ENPP6: variants seen among roughly 807,000 people sequenced by gnomAD.
ENPP6 encodes glycerophosphocholine cholinephosphodiesterase ENPP6.
ENPP6 carries 32 observed loss-of-function variants against 42.0 expected under a neutral mutation model. The ratio of observed to expected loss-of-function variants is 0.76; its 90% CI spans 0.58 to 1.02. The LOEUF is 1.02. ENPP6 is among the 50% of genes least tolerant of loss of function. The pLI, the probability that ENPP6 is intolerant of heterozygous loss-of-function variation, is 0.00. For synonymous variants in ENPP6, 213 were observed against 216.0 expected, an observed-to-expected ratio of 0.99 and a Z score of 0.12; for missense variants, 552 against 566.8, an observed-to-expected ratio of 0.97 and a Z score of 0.27.
chr4:184,158,198 T>C (rs80337402), intron 1 of ENPP6, among the ~76,000 whole-genome samples: 1,842 of 152,320 alleles, frequency 0.012, 19 homozygotes, highest in Non-Finnish European at 0.018. Context: ...TGGAGCCAGA[T>C]TGCATAGGTT....
intron 6 of ENPP6, among the ~76,000 whole-genome samples, chr4:184,104,831 AAAC>A (rs1386230113): frequency 1.3e-5 from 2 of 152,202 alleles, no homozygotes; most frequent in African/African-American, 4.8e-5. Flanking sequence ...CTATGATGGG[AAAC>A]AAAGGTCAAG....
chr4:184,107,871 C>G (rs1454645984), intron 6 of ENPP6, among the ~76,000 whole-genome samples: 1 of 151,244 alleles, frequency 6.6e-6, no homozygotes, highest in African/African-American at 2.4e-5. Context: ...GCCGAGATCC[C>G]GCCATTACCC....
At position 184,153,704 on chromosome 4, in the gene ENPP6, C is replaced by T. The variant is rs749748851; in HGVS notation, c.271G>A (p.Gly91Arg). 1.5e-5 allele frequency: 25 copies of T among 1,613,962 alleles called. No homozygotes were observed. Among genetic ancestry groups the T allele is most frequent in the Non-Finnish European group, 2.0e-5 (24 of 1,180,008 alleles). ...GTGGTGGGGTCCCACATGTAGTTCC[C>T]GATCATCTGATGGACTTCACAATGG... ...GRHCEVHQMI[G>R]NYMWDPTTNK... is the part of the protein sequence containing the mutation. Residue 91 changes from glycine to arginine, a missense_variant, in exon 2 of 8, where the codon GGG becomes AGG. Gly to Arg is a moderately radical substitution (Grantham distance 125, BLOSUM62 -2). Transcript: ENST00000296741.
At chr4:184,122,532 C>T (rs529619920) in intron 3 of ENPP6, among the ~76,000 whole-genome samples, 1 of 151,866 alleles carries the variant, frequency 6.6e-6, no homozygotes, top group Admixed American at 6.6e-5. Flanking sequence ...TTCCCCGCTG[C>T]ATGCTGGTGT....
At chr4:184,204,827 G>GT in intron 1 of ENPP6, among the ~76,000 whole-genome samples, 1 of 152,288 alleles carries the variant, frequency 6.6e-6, no homozygotes, top group South Asian at 2.1e-4. Flanking sequence ...CATGATTGTA[G>GT]TTTTTTCTCC....
At chr4:184,135,376 T>C (rs970202059) in intron 2 of ENPP6, among the ~76,000 whole-genome samples, 2 of 152,190 alleles carry the variant, frequency 1.3e-5, no homozygotes, top group African/African-American at 2.4e-5. Flanking sequence ...AGTGTGTAAT[T>C]AGGAACATTA....
chr4:184,158,872 C>T (rs1737216788), intron 1 of ENPP6, among the ~76,000 whole-genome samples: 1 of 152,136 alleles, frequency 6.6e-6, no homozygotes, highest in Non-Finnish European at 1.5e-5. Context: ...CACTAAGGTC[C>T]TTGGGCTGCA....
intron 1 of ENPP6, among the ~76,000 whole-genome samples, chr4:184,199,463 T>C (rs962448707): frequency 3.3e-5 from 5 of 152,230 alleles, no homozygotes; most frequent in Non-Finnish European, 5.9e-5. Context: ...TAAAGAATAA[T>C]GTTTTCTCAA....
chr4:184,157,532 TCTCTCTCC>T, intron 1 of ENPP6, among the ~76,000 whole-genome samples: 1 of 150,772 alleles, frequency 6.6e-6, no homozygotes, highest in Admixed American at 6.6e-5. Context: ...TCTTTCTTTC[TCTCTCTCC>T]TTTCTTTCCT....
chr4:184,131,282 T>TCCTC lies in ENPP6; in HGVS notation c.422-7011_422-7010insGAGG, dbSNP rs1560987560. Among the ~76,000 whole-genome samples the TCCTC allele has an allele frequency of 5.8e-4, 84 of 145,740 alleles. 4 individuals are homozygous for TCCTC. The highest frequency in any genetic ancestry group is 2.0e-3 in the African/African-American group (79 of 39,332). On this transcript the variant is annotated intron_variant, in intron 2 of 7. Coordinates refer to ENST00000296741, the MANE Select transcript of ENPP6 (RefSeq NM_153343.4). ...TCTCTTCCTTCCTTCCTTCCTTCCT[T>TCCTC]CCTTCCTTCCTTCCTTCCTTCCTTC... is the stretch of plus-strand genomic sequence containing the variant.
At chr4:184,131,200 TC>T (rs750005321) in intron 2 of ENPP6, among the ~76,000 whole-genome samples, 14,222 of 53,108 alleles carry the variant, frequency 0.27, 1,245 homozygotes, top group South Asian at 0.33. Flanking sequence ...TTTCTTTCTT[TC>T]TTCTTTCTTT....
At chr4:184,170,336 A>G (rs937113271) in intron 1 of ENPP6, among the ~76,000 whole-genome samples, 2 of 152,112 alleles carry the variant, frequency 1.3e-5, no homozygotes. Context: ...AGGCTGAGGC[A>G]GGAGAATCAC....
chr4:184,131,161 C>CTTTCTTTCTTTCTT (rs1560987168), intron 2 of ENPP6, among the ~76,000 whole-genome samples: 1 of 53,426 alleles, frequency 1.9e-5, no homozygotes, highest in East Asian at 4.3e-4. Context: ...TTCTTTCTTT[C>CTTTCTTTCTTTCTT]TTTCTTTCTT....
intron 2 of ENPP6, among the ~76,000 whole-genome samples, chr4:184,142,819 C>T (rs1199559411): frequency 6.6e-6 from 1 of 152,216 alleles, no homozygotes; most frequent in African/African-American, 2.4e-5. Context: ...AAAGGCCGCG[C>T]TTTCATCTCT....
chr4:184,212,603 T>C (rs1220415978), intron 1 of ENPP6, among the ~76,000 whole-genome samples: 1 of 151,568 alleles, frequency 6.6e-6, no homozygotes, highest in Non-Finnish European at 1.5e-5. Context: ...TACAAACAAA[T>C]GGAAGAACAT....
intron 1 of ENPP6, among the ~76,000 whole-genome samples, chr4:184,191,540 G>A (rs1305910664): frequency 6.6e-6 from 1 of 152,198 alleles, no homozygotes; most frequent in Admixed American, 6.5e-5. Flanking sequence ...CAGAGCGATG[G>A]AGGGGGAAGC....
chr4:184,118,966 T>G (rs1329222666), intron 3 of ENPP6, among the ~76,000 whole-genome samples: 1 of 152,218 alleles, frequency 6.6e-6, no homozygotes, highest in Admixed American at 6.5e-5. Flanking sequence ...CTTTGCCATG[T>G]AAAAAGTTCT....
chr4:184,169,745 C>T (rs998141944), intron 1 of ENPP6, among the ~76,000 whole-genome samples: 2 of 152,214 alleles, frequency 1.3e-5, no homozygotes, highest in African/African-American at 2.4e-5. Flanking sequence ...AGGCCAATCA[C>T]CGGTGGCAAA....
At chr4:184,132,818 TACAC>T (rs1303118306) in intron 2 of ENPP6, among the ~76,000 whole-genome samples, 55 of 137,282 alleles carry the variant, frequency 4.0e-4, no homozygotes, top group Middle Eastern at 4.0e-3. Context: ...TATACATATA[TACAC>T]ACACACACAC....
Sources: allele counts gnomAD v4.1 joint callset (sites outside exome capture counted in the v4.1 genomes callset), GRCh38; gene constraint gnomAD v4.1.1; transcripts MANE v1.5; gene names NCBI Gene and HGNC (gene_info 2026-07-23, HGNC 2026-07-21).